The following NIPSNAP1 variants were observed in gnomAD, a reference collection of about 807,000 sequenced individuals.
NIPSNAP1 encodes protein NipSnap homolog 1.
In NIPSNAP1, 25 loss-of-function variants were observed where a neutral mutation model predicts 49.2. The ratio of observed to expected loss-of-function variants is 0.51; its 90% CI spans 0.37 to 0.71. The LOEUF is 0.71. Ranked by LOEUF, NIPSNAP1 falls within the 30% of genes least tolerant of loss-of-function variation. The probability of loss-of-function intolerance (pLI) is 0.00; values close to 1 mark genes in which losing one functional copy is unlikely to be tolerated. For missense variants in NIPSNAP1, 294 were observed against 361.0 expected (o/e 0.81, Z 1.50); for synonymous variants, 143 against 140.7 (o/e 1.02, Z -0.12).
rs1367251463 is a variant in NIPSNAP1, at chr22:29,581,029, G to A, written c.54C>T (p.Gly18=). Residue 18 remains glycine, a synonymous_variant, in exon 1 of 10, where the codon GGC becomes GGT. Coordinates refer to ENST00000216121, the MANE Select transcript of NIPSNAP1 (RefSeq NM_003634.4). ...ISVTARRLLG[G]PGPRAGDVAS... The stretch of plus-strand genomic sequence containing the variant: ...CAACGTCCCCAGCGCGAGGCCCCGG[G>A]CCCCCCAGCAGCCGCCGCGCCGTCA... 3 of 1,537,310 alleles carry A rather than the reference G, an allele frequency of 2.0e-6. No homozygotes were observed. The highest frequency in any genetic ancestry group is 2.6e-6 in the Non-Finnish European group (3 of 1,145,160).
At chr22:29,566,778 T>C (rs1316155572) in intron 4 of NIPSNAP1, among the ~76,000 whole-genome samples, 1 of 152,014 alleles carries the variant, frequency 6.6e-6, no homozygotes, top group Non-Finnish European at 1.5e-5. Context: ...GAGCTGTGAT[T>C]GCACCACTGC....
intron 9 of NIPSNAP1, among the ~76,000 whole-genome samples, chr22:29,556,427 G>A (rs111520760): frequency 0.022 from 3,307 of 152,066 alleles, 131 homozygotes; most frequent in African/African-American, 0.075. Context: ...GGGAGGCTGA[G>A]GCAGGAGAAT....
chr22:29,566,700 T>C (rs1169755970), intron 4 of NIPSNAP1, among the ~76,000 whole-genome samples: 5 of 152,024 alleles, frequency 3.3e-5, no homozygotes, highest in Non-Finnish European at 7.4e-5. Context: ...GGTGCACACC[T>C]GTAGTTCCAG....
intron 4 of NIPSNAP1, among the ~76,000 whole-genome samples, chr22:29,562,543 T>A (rs1271994601): frequency 1.3e-5 from 2 of 151,960 alleles, no homozygotes; most frequent in African/African-American, 4.8e-5. Context: ...AATACAAAAT[T>A]AGCCAGGTGT....
At chr22:29,563,821 G>A (rs1289337328) in intron 4 of NIPSNAP1, among the ~76,000 whole-genome samples, 1 of 152,166 alleles carries the variant, frequency 6.6e-6, no homozygotes, top group Non-Finnish European at 1.5e-5. Flanking sequence ...AGAATGACAA[G>A]TCTACAAGCC....
chr22:29,570,637 G>A, intron 1 of NIPSNAP1, 105 bp from the exon 2 acceptor site: 1 of 1,463,878 alleles, frequency 6.8e-7, no homozygotes, highest in Non-Finnish European at 9.3e-7. Flanking sequence ...CCACATTTCT[G>A]GGAACAGGGC....
At chr22:29,576,143 C>T (rs2262240) in intron 1 of NIPSNAP1, among the ~76,000 whole-genome samples, 118,196 of 149,818 alleles carry the variant, frequency 0.79, 47,276 homozygotes, top group African/African-American at 0.88. Context: ...CTCAGCCTCC[C>T]GAGTAGCTGG....
intron 4 of NIPSNAP1, chr22:29,564,207 T>C: frequency 2.5e-6 from 1 of 402,348 alleles, no homozygotes. Flanking sequence ...ACTCTGTAAC[T>C]TCCCATCCCC....
intron 4 of NIPSNAP1, chr22:29,564,130 T>A: frequency 3.0e-6 from 1 of 336,388 alleles, no homozygotes; most frequent in Non-Finnish European, 5.8e-6. Context: ...CGGAGGAAGG[T>A]CCCCAGGGGA....
In NIPSNAP1 at chr22:29,560,997, A is replaced by G. The variant is rs184753424; in HGVS notation, c.612-169T>C. On this transcript the variant is annotated intron_variant, in intron 7 of 9. Coordinates refer to ENST00000216121, the MANE Select transcript of NIPSNAP1 (RefSeq NM_003634.4). ...GTGTTCTACCAACGGAGGGGTCACAACCTTCTAGGAGATCCTCACCTCCTG... is the reference window on the plus strand; with the variant it reads ...GTGTTCTACCAACGGAGGGGTCACAGCCTTCTAGGAGATCCTCACCTCCTG... 4.9e-3 allele frequency among the ~76,000 whole-genome samples: 747 copies of G among 152,244 alleles called. 1 individual carries two copies. The highest frequency in any genetic ancestry group is 9.3e-3 in the Non-Finnish European group (632 of 67,992).
At chr22:29,580,919 A>T in intron 1 of NIPSNAP1, 66 bp downstream of exon 1, 1 of 1,287,794 alleles carries the variant, frequency 7.8e-7, no homozygotes, top group Non-Finnish European at 1.0e-6. Flanking sequence ...CCCACGACCC[A>T]GTCCCTGGCC....
intron 6 of NIPSNAP1, 149 bp from the exon 7 acceptor site, chr22:29,561,351 T>G: frequency 7.1e-7 from 1 of 1,414,214 alleles, no homozygotes; most frequent in Non-Finnish European, 9.9e-7. Flanking sequence ...GACACACACC[T>G]GGTGTGCATG....
intron 9 of NIPSNAP1, 50 bp from the exon 10 acceptor site, chr22:29,556,049 A>T: frequency 6.6e-7 from 1 of 1,505,678 alleles, no homozygotes; most frequent in Non-Finnish European, 9.0e-7. Flanking sequence ...GCAAGCCAAC[A>T]ACCTCCCCTG....
chr22:29,569,831 A>T (rs2146610983), intron 3 of NIPSNAP1: 1 of 388,580 alleles, frequency 2.6e-6, no homozygotes, highest in East Asian at 6.2e-5. Context: ...TCTACTAAAT[A>T]CAAAAAAATT....
At chr22:29,562,802 A>T (rs1002638437) in intron 4 of NIPSNAP1, among the ~76,000 whole-genome samples, 4 of 151,828 alleles carry the variant, frequency 2.6e-5, no homozygotes, top group African/African-American at 9.7e-5. Context: ...TACTGTTAGA[A>T]TTTATAAAAA....
At chr22:29,569,310 G>A (rs1352126332) in intron 3 of NIPSNAP1, 23 bp from the exon 4 acceptor site, 1 of 1,590,456 alleles carries the variant, frequency 6.3e-7, no homozygotes, top group East Asian at 2.2e-5. Context: ...TGCAGAGAGG[G>A]GCAGGGTTCA....
chr22:29,565,519 GA>G (rs2146607131), intron 4 of NIPSNAP1, among the ~76,000 whole-genome samples: 2 of 151,510 alleles, frequency 1.3e-5, no homozygotes, highest in African/African-American at 4.8e-5. Flanking sequence ...TCTCGAAAAA[GA>G]AAAAAAAGAA....
At chr22:29,570,593 C>T in intron 1 of NIPSNAP1, 61 bp from the exon 2 acceptor site, 6 of 1,578,254 alleles carry the variant, frequency 3.8e-6, no homozygotes, top group Non-Finnish European at 5.2e-6. Flanking sequence ...GCAATTCCAT[C>T]CACTTGGATG....
chr22:29,574,749 A>G (rs921346944), intron 1 of NIPSNAP1, among the ~76,000 whole-genome samples: 1 of 150,632 alleles, frequency 6.6e-6, no homozygotes, highest in African/African-American at 2.4e-5. Context: ...ATTGCACTCC[A>G]GACTGGGCTA....
Sources: gnomAD v4.1 joint callset for allele counts (sites outside exome capture counted in the v4.1 genomes callset) on GRCh38, gnomAD v4.1.1 for gene constraint, MANE v1.5 for transcripts, NCBI Gene and HGNC (gene_info 2026-07-23, HGNC 2026-07-21) for gene names.